CHN2: variants seen among roughly 807,000 people sequenced by gnomAD.
CHN2 encodes chimerin 2.
A neutral mutation model predicts 56.3 loss-of-function variants in CHN2; 35 were observed. The ratio of observed to expected loss-of-function variants is 0.62; its 90% CI spans 0.47 to 0.82. The LOEUF is 0.82. CHN2 is among the 40% of genes least tolerant of loss of function. The pLI is 0.00. For synonymous variants in CHN2, 210 were observed against 212.8 expected (o/e 0.99, Z 0.12); for missense variants, 491 against 580.5 (o/e 0.85, Z 1.58).
rs913058484 is a variant in CHN2 at position 29,297,899 on chromosome 7, A to G, written c.50-56726A>G. ...AAGGAGTCCCAGGGGTTCAGGATGCATTTGAAAGGGGTACAGACTGAAGAT... is the reference window on the plus strand; with the variant it reads ...AAGGAGTCCCAGGGGTTCAGGATGCGTTTGAAAGGGGTACAGACTGAAGAT... On this transcript the variant is annotated intron_variant, in intron 1 of 12. Transcript: ENST00000222792. Among the ~76,000 whole-genome samples the G allele has an allele frequency of 2.0e-5, 3 of 152,200 alleles. No homozygotes were observed. The South Asian group carries it at 6.2e-4, about 32-fold the overall frequency.
intron 2 of CHN2, among the ~76,000 whole-genome samples, chr7:29,173,447 T>C (rs1325272767): frequency 6.6e-6 from 1 of 151,946 alleles, no homozygotes; most frequent in East Asian, 1.9e-4. Context: ...TACGAGAGAA[T>C]GTCACCCCCA....
In CHN2 at chr7:29,354,616, T is replaced by G; in HGVS notation, c.50-9T>G. ...TGATGATGGATTTCTTTTTTTTTTT[T>G]CATTCTAGATGCTGAAGAATACCAG... On this transcript the variant is annotated splice_polypyrimidine_tract_variant and intron_variant, in intron 1 of 12. Transcript: ENST00000222792. 1 of 1,585,140 alleles carries G rather than the reference T, an allele frequency of 6.3e-7. No individual in the cohort carries two copies. The highest frequency in any genetic ancestry group is 1.1e-5 in the South Asian group (1 of 89,462).
rs11389974 is a variant in CHN2 at position 29,408,189 on chromosome 7, CA to C, written c.576+7373del. 3.7e-4 allele frequency among the ~76,000 whole-genome samples: 54 copies of C among 144,046 alleles called. 1 individual carries two copies. Among genetic ancestry groups the C allele is most frequent in the East Asian group, 8.2e-4 (4 of 4,906 alleles). The allele number at this position is 144,046 out of a possible 152,430, so 94.5% of individuals were successfully genotyped here. Reference sequence around the variant, plus strand: ...TGGACGGCGGAGTGAGACTCAGTATCAAAAAAAAAAAATAAATTAAATTAAA... The same window carrying C: ...TGGACGGCGGAGTGAGACTCAGTATCAAAAAAAAAAATAAATTAAATTAAA... On this transcript the variant is annotated intron_variant, in intron 6 of 12. Transcript: ENST00000222792.
intron 3 of CHN2, among the ~76,000 whole-genome samples, chr7:29,380,432 C>T (rs955622826): frequency 6.6e-6 from 1 of 152,216 alleles, no homozygotes; most frequent in Non-Finnish European, 1.5e-5. Flanking sequence ...CCTTAGGGAG[C>T]TATAATGCAA....
rs368209645 is a variant in CHN2, at chr7:29,512,680, G to A, written c.1352G>A (p.Arg451Gln). Residue 451 changes from arginine (R) to glutamine (Q), a missense_variant, in exon 13 of 13, where the codon CGG (arginine) becomes CAG (glutamine). Coordinates refer to ENST00000222792, the MANE Select transcript of CHN2 (RefSeq NM_004067.4). ...DSTLTTLHDM[R>Q]YQKLIVQILI... ...ACCCTGACCACCCTGCATGATATGCGGTACCAAAAGCTGATTGTGCAGATT... is the reference window on the plus strand; with the variant it reads ...ACCCTGACCACCCTGCATGATATGCAGTACCAAAAGCTGATTGTGCAGATT... The A allele has an allele frequency of 1.1e-5, 17 of 1,613,996 alleles. No homozygotes were observed. The highest frequency in any genetic ancestry group is 8.0e-5 in the African/African-American group (6 of 74,900).
chr7:29,418,638 C>T (rs538370517), intron 6 of CHN2, among the ~76,000 whole-genome samples: 32 of 152,288 alleles, frequency 2.1e-4, no homozygotes, highest in African/African-American at 7.5e-4. Flanking sequence ...GTGTTCTGGG[C>T]CACAGCCTAG....
At position 29,337,019 on chromosome 7, in the gene CHN2, C is replaced by T. The variant is rs994777267; in HGVS notation, c.50-17606C>T. On this transcript the variant is annotated intron_variant, in intron 1 of 12. Coordinates refer to ENST00000222792, the MANE Select transcript of CHN2 (RefSeq NM_004067.4). ...TTCCGGCACCCACCACCCTTGCATG[C>T]ACTCCTTCATACACTCCCCTCTGCT... 2.6e-5 allele frequency among the ~76,000 whole-genome samples: 4 copies of T among 152,188 alleles called. No homozygotes were observed. In the South Asian group the frequency reaches 8.3e-4, roughly 32 times the overall value.
intron 6 of CHN2, among the ~76,000 whole-genome samples, chr7:29,408,199 A>AT (rs962720800): frequency 6.6e-6 from 1 of 151,386 alleles, no homozygotes; most frequent in Admixed American, 6.6e-5. Flanking sequence ...CAAAAAAAAA[A>AT]AATAAATTAA....
chr7:29,472,023 T>C (rs17158052), intron 6 of CHN2, among the ~76,000 whole-genome samples: 5,554 of 152,204 alleles, frequency 0.036, 332 homozygotes, highest in African/African-American at 0.12. Flanking sequence ...GGATGATTCA[T>C]TTGGCAGTAT....
rs535473493 is a variant in CHN2 at position 29,311,232 on chromosome 7, C to T, written c.50-43393C>T. Among the ~76,000 whole-genome samples, 7 of 152,274 alleles carry T rather than the reference C, an allele frequency of 4.6e-5. No homozygotes were observed. In the South Asian group the frequency reaches 6.2e-4, roughly 14 times the overall value. On this transcript the variant is annotated intron_variant, in intron 1 of 12. Coordinates refer to ENST00000222792, the MANE Select transcript of CHN2 (RefSeq NM_004067.4). Reference sequence around the variant, plus strand: ...CCTGCCTCCTGGCTTTCACTTACACCGTTCCATTGTCCTTCCTGTCACCGA... The same window carrying T: ...CCTGCCTCCTGGCTTTCACTTACACTGTTCCATTGTCCTTCCTGTCACCGA...
At chr7:29,388,420 G>A (rs571080150) in intron 3 of CHN2, among the ~76,000 whole-genome samples, 66 of 152,300 alleles carry the variant, frequency 4.3e-4, no homozygotes, top group African/African-American at 1.3e-3. Context: ...TCAGGATCCC[G>A]GTGATAGCTC....
chr7:29,211,906 C>T (rs1784988566), intron 1 of CHN2, among the ~76,000 whole-genome samples: 3 of 152,138 alleles, frequency 2.0e-5, no homozygotes, highest in African/African-American at 2.4e-5. Context: ...TTATAAAGAA[C>T]ATTTCAAATA....
intron 1 of CHN2, among the ~76,000 whole-genome samples, chr7:29,247,419 C>T (rs751456506): frequency 4.6e-5 from 7 of 152,214 alleles, no homozygotes; most frequent in Non-Finnish European, 8.8e-5. Context: ...GCTGCCCACA[C>T]CCTCCACAGA....
chr7:29,207,777 T>C (rs936394686), intron 1 of CHN2, among the ~76,000 whole-genome samples: 19 of 152,186 alleles, frequency 1.2e-4, no homozygotes, highest in African/African-American at 4.6e-4. Flanking sequence ...TTTTGTTGTT[T>C]CTAATCAAAG....
intron 1 of CHN2, among the ~76,000 whole-genome samples, chr7:29,324,091 G>A (rs922854913): frequency 2.0e-5 from 3 of 152,118 alleles, no homozygotes; most frequent in Non-Finnish European, 4.4e-5. Flanking sequence ...CTTTTGGGAG[G>A]TGGGGGGCGG....
At chr7:29,440,069 A>T (rs934451022) in intron 6 of CHN2, among the ~76,000 whole-genome samples, 13 of 152,118 alleles carry the variant, frequency 8.5e-5, no homozygotes, top group African/African-American at 3.1e-4. Context: ...AGAAAGCGAG[A>T]CTCCTAGTAC....
intron 3 of CHN2, among the ~76,000 whole-genome samples, chr7:29,380,059 G>T (rs555061051): frequency 1.1e-4 from 16 of 152,270 alleles, no homozygotes; most frequent in African/African-American, 3.9e-4. Context: ...CAGGAATTGG[G>T]TTTTAACTCT....
At chr7:29,263,309 C>A (rs554228980) in intron 1 of CHN2, among the ~76,000 whole-genome samples, 1 of 152,234 alleles carries the variant, frequency 6.6e-6, no homozygotes, top group Non-Finnish European at 1.5e-5. Context: ...GGATTGCAGA[C>A]GGAGTCTCGC....
At chr7:29,189,189 G>T (rs12666393) in intron 2 of CHN2, among the ~76,000 whole-genome samples, 15,203 of 152,026 alleles carry the variant, frequency 0.1, 905 homozygotes, top group Non-Finnish European at 0.13. Context: ...GACCTCAAAT[G>T]ATCTGCCCAA....
Sources: allele counts gnomAD v4.1 joint callset (sites outside exome capture counted in the v4.1 genomes callset), GRCh38; gene constraint gnomAD v4.1.1; transcripts MANE v1.5; gene names NCBI Gene and HGNC (gene_info 2026-07-23, HGNC 2026-07-21).